The following FIP1L1 variants were observed in gnomAD, a reference collection of about 807,000 sequenced individuals.
FIP1L1 encodes the protein pre-mRNA 3'-end-processing factor FIP1.
In FIP1L1, 21 loss-of-function variants were observed where a neutral mutation model predicts 84.6. The observed-to-expected ratio is 0.25, with a 90% CI of 0.18 to 0.36. FIP1L1 has a LOEUF of 0.36. FIP1L1 is among the 10% of genes least tolerant of loss of function. The pLI is 1.00. For missense variants in FIP1L1, 526 were observed against 751.1 expected (o/e 0.70, Z 3.50); for synonymous variants, 263 against 242.3 (o/e 1.09, Z -0.80).
intron 11 of FIP1L1, among the ~76,000 whole-genome samples, chr4:53,424,397 G>GA (rs1308992409): frequency 2.0e-5 from 3 of 152,030 alleles, no homozygotes; most frequent in African/African-American, 7.2e-5. Flanking sequence ...TGTAACATGT[G>GA]AATATTAAGA....
chr4:53,440,931 A>G (rs898454283), intron 13 of FIP1L1: 5 of 223,494 alleles, frequency 2.2e-5, no homozygotes, highest in African/African-American at 1.2e-4. Context: ...TTTATGTAAT[A>G]TAGTGACTAT....
intron 9 of FIP1L1, among the ~76,000 whole-genome samples, chr4:53,392,165 T>C (rs1260117614): frequency 6.6e-6 from 1 of 152,276 alleles, no homozygotes; most frequent in Non-Finnish European, 1.5e-5. Context: ...TATATTGTCA[T>C]AGTTCTTTTA....
intron 11 of FIP1L1, among the ~76,000 whole-genome samples, chr4:53,416,315 C>G (rs1163685911): frequency 1.3e-5 from 2 of 152,318 alleles, no homozygotes; most frequent in East Asian, 3.8e-4. Context: ...GAAACTTAAA[C>G]TTACAATTGT....
chr4:53,387,010 T>C (rs1458591500), intron 5 of FIP1L1, among the ~76,000 whole-genome samples: 1 of 152,196 alleles, frequency 6.6e-6, no homozygotes, highest in African/African-American at 2.4e-5. Flanking sequence ...ACAGGTCATA[T>C]CATTTGAAAA....
chr4:53,453,207 T>C, intron 16 of FIP1L1, 74 bp downstream of exon 16: 1 of 1,545,538 alleles, frequency 6.5e-7, no homozygotes, highest in Middle Eastern at 1.9e-4. Flanking sequence ...TATGAGGAAG[T>C]GAATTTCAGT....
At position 53,417,182 on chromosome 4, in the gene FIP1L1, C is replaced by T. The variant is rs79559383; in HGVS notation, c.923+2460C>T. 8.8e-3 allele frequency among the ~76,000 whole-genome samples: 1,341 copies of T among 152,264 alleles called. 22 individuals carry two copies. Among genetic ancestry groups the T allele is most frequent in the African/African-American group, 0.03 (1,264 of 41,544 alleles). Reference sequence around the variant, plus strand: ...TTTCCCATACCTGAAAGAGACACATCTCAGTGCTTTATGTATAGCAACTCC... The same window carrying T: ...TTTCCCATACCTGAAAGAGACACATTTCAGTGCTTTATGTATAGCAACTCC... On this transcript the variant is annotated intron_variant, in intron 11 of 17. Coordinates refer to ENST00000337488, the MANE Select transcript of FIP1L1 (RefSeq NM_030917.4).
In FIP1L1 at chr4:53,414,577, A is replaced by T. The variant is rs200139383; in HGVS notation, c.816-38A>T. The T allele has an allele frequency of 8.9e-6, 13 of 1,460,834 alleles. No homozygotes were observed. The East Asian group carries it at 2.7e-4, about 31-fold the overall frequency. The allele number at this position is 1,460,834 out of a possible 1,614,324, so 90.5% of individuals were successfully genotyped here. ...CAGAACAAGGGGGGTCAGAGACAAC[A>T]ATATGTAAGAAAAAACATAGAAAAT... On this transcript the variant is annotated intron_variant, in intron 10 of 17. Coordinates refer to ENST00000337488, the MANE Select transcript of FIP1L1 (RefSeq NM_030917.4).
At chr4:53,446,409 A>G (rs1257628500) in intron 15 of FIP1L1, among the ~76,000 whole-genome samples, 1 of 152,164 alleles carries the variant, frequency 6.6e-6, no homozygotes, top group African/African-American at 2.4e-5. Flanking sequence ...TTTTATAATT[A>G]TCACCCTAAT....
rs1481216116 is a variant in FIP1L1 at position 53,391,053 on chromosome 4, A to G, written c.550A>G (p.Thr184Ala). 93 of 1,610,930 alleles carry G rather than the reference A, an allele frequency of 5.8e-5. No homozygotes were observed. The highest frequency in any genetic ancestry group is 7.6e-5 in the Non-Finnish European group (90 of 1,178,498). Residue 184 changes from threonine to alanine, a missense_variant, in exon 8 of 18, where the codon ACC becomes GCC. Thr to Ala is a moderately conservative substitution (Grantham distance 58, BLOSUM62 0). This residue lies in a region of FIP1L1 where 169 missense variants were observed against 206.9 expected (regional missense o/e 0.82). Coordinates refer to ENST00000337488, the MANE Select transcript of FIP1L1 (RefSeq NM_030917.4). Reference sequence around the variant, plus strand: ...TTTTAATTATGGGTTTAATGAAGATACCTGGAAAGCTTACTGTGAAAAACA... The same window carrying G: ...TTTTAATTATGGGTTTAATGAAGATGCCTGGAAAGCTTACTGTGAAAAACA... The part of the protein sequence containing the change: ...DYFNYGFNED[T>A]WKAYCEKQKR...
chr4:53,436,611 C>T (rs1018948740), intron 13 of FIP1L1, among the ~76,000 whole-genome samples: 11 of 152,048 alleles, frequency 7.2e-5, no homozygotes, highest in Non-Finnish European at 1.3e-4. Context: ...TACCAGCAGA[C>T]AGGGATCATT....
At chr4:53,404,175 A>C (rs1578380203) in intron 10 of FIP1L1, among the ~76,000 whole-genome samples, 1 of 84,112 alleles carries the variant, frequency 1.2e-5, no homozygotes, top group African/African-American at 4.9e-5. Context: ...CCCACCCCAC[A>C]ACAGTCCCCA....
intron 12 of FIP1L1, 65 bp downstream of exon 12, chr4:53,426,030 T>G (rs1219727453): frequency 2.7e-6 from 3 of 1,126,834 alleles, no homozygotes; most frequent in Non-Finnish European, 3.9e-6. Context: ...ATAATTTAAT[T>G]TATTCAATAG....
rs551754004 is a variant in FIP1L1 at position 53,414,089 on chromosome 4, A to G, written c.816-526A>G. Among the ~76,000 whole-genome samples the G allele has an allele frequency of 6.6e-5, 10 of 152,270 alleles. No homozygotes were observed. In the East Asian group the frequency reaches 1.9e-3, roughly 29 times the overall value. On this transcript the variant is annotated intron_variant, in intron 10 of 17. Transcript: ENST00000337488. ...AAGTATGTCAACAGGGATAAAATTA[A>G]CTTTTTTGGGAACTTTACTTTGAAA... is the stretch of plus-strand genomic sequence containing the variant.
intron 15 of FIP1L1, among the ~76,000 whole-genome samples, chr4:53,444,535 T>G (rs1773371204): frequency 1.3e-5 from 2 of 151,326 alleles, no homozygotes; most frequent in Non-Finnish European, 3.0e-5. Flanking sequence ...TTCCAAGGCC[T>G]TCTGACCCCA....
chr4:53,395,072 G>C (rs1248095976), intron 9 of FIP1L1, among the ~76,000 whole-genome samples: 1 of 152,108 alleles, frequency 6.6e-6, no homozygotes, highest in Non-Finnish European at 1.5e-5. Flanking sequence ...TAGAAAATTA[G>C]TCATAATGTC....
At chr4:53,379,967 C>G (rs1289732297) in intron 3 of FIP1L1, among the ~76,000 whole-genome samples, 1 of 152,174 alleles carries the variant, frequency 6.6e-6, no homozygotes, top group Non-Finnish European at 1.5e-5. Context: ...TATACAACTT[C>G]ATACCGAGTA....
intron 13 of FIP1L1, among the ~76,000 whole-genome samples, chr4:53,439,339 C>CT (rs1770882235): frequency 6.6e-6 from 1 of 151,948 alleles, no homozygotes; most frequent in South Asian, 2.1e-4. Flanking sequence ...CTTTATGTAT[C>CT]TTTAGTCTTG....
intron 10 of FIP1L1, among the ~76,000 whole-genome samples, chr4:53,407,857 C>T (rs893707381): frequency 6.6e-6 from 1 of 152,090 alleles, no homozygotes; most frequent in African/African-American, 2.4e-5. Flanking sequence ...GTAGATCTTC[C>T]TCCATCCTTT....
chr4:53,458,122 C>G (rs1018271503), intron 16 of FIP1L1, among the ~76,000 whole-genome samples: 2 of 152,090 alleles, frequency 1.3e-5, no homozygotes, highest in African/African-American at 4.8e-5. Flanking sequence ...TTTTATACTT[C>G]TCTATTTGAT....
Sources: allele counts gnomAD v4.1 joint callset (sites outside exome capture counted in the v4.1 genomes callset), GRCh38; gene constraint gnomAD v4.1.1; regional missense constraint gnomAD v4.1.1; transcripts MANE v1.5; gene names NCBI Gene and HGNC (gene_info 2026-07-23, HGNC 2026-07-21).